Variants in BRINP3 observed in about 807,000 individuals in gnomAD.
BRINP3 encodes the protein BMP/retinoic acid-inducible neural-specific protein 3.
In BRINP3, 19 loss-of-function variants were observed where a neutral mutation model predicts 71.0. The ratio of observed to expected loss-of-function variants is 0.27; its 90% CI spans 0.19 to 0.39. The LOEUF is 0.39. BRINP3 is among the 10% of genes least tolerant of loss of function. BRINP3 has a pLI of 1.00. For synonymous variants in BRINP3, 380 were observed against 337.7 expected (o/e 1.13, Z -1.37); for missense variants, 959 against 940.8 (o/e 1.02, Z -0.25).
intron 7 of BRINP3, among the ~76,000 whole-genome samples, chr1:190,124,131 C>T (rs560084824): frequency 6.5e-4 from 99 of 152,288 alleles, no homozygotes; most frequent in African/African-American, 2.3e-3. Context: ...GATTAGACCA[C>T]AGGGCTCTGC....
At chr1:190,445,515 CATT>C (rs1243548713) in intron 2 of BRINP3, among the ~76,000 whole-genome samples, 6 of 151,808 alleles carry the variant, frequency 4.0e-5, no homozygotes, top group Non-Finnish European at 7.4e-5. Context: ...ACTTTTTTCT[CATT>C]AAATTTGATT....
rs114501910 is a variant in BRINP3, at chr1:190,416,709, T to C, written c.236+37946A>G. 5.3e-5 allele frequency among the ~76,000 whole-genome samples: 8 copies of C among 152,236 alleles called. No individual in the cohort carries two copies. The South Asian group carries it at 8.3e-4, about 16-fold the overall frequency. The stretch of plus-strand genomic sequence containing the variant: ...ACCGTGAAGTGCCTTACACATATTA[T>C]CCCATATTATCTAAATAATACTATC... On this transcript the variant is annotated intron_variant, in intron 2 of 7. Coordinates refer to ENST00000367462, the MANE Select transcript of BRINP3 (RefSeq NM_199051.3).
intron 2 of BRINP3, among the ~76,000 whole-genome samples, chr1:190,386,976 A>G (rs1670951503): frequency 6.6e-6 from 1 of 152,018 alleles, no homozygotes; most frequent in South Asian, 2.1e-4. Context: ...CAACGTTTGC[A>G]CCACCACACC....
chr1:190,172,911 C>T (rs953910581), intron 6 of BRINP3, among the ~76,000 whole-genome samples: 1 of 152,124 alleles, frequency 6.6e-6, no homozygotes, highest in African/African-American at 2.4e-5. Flanking sequence ...TTCACAATGG[C>T]CAGATGCATG....
intron 7 of BRINP3, among the ~76,000 whole-genome samples, chr1:190,127,467 A>G (rs182477405): frequency 6.6e-6 from 1 of 152,014 alleles, no homozygotes; most frequent in East Asian, 1.9e-4. Flanking sequence ...CCAACATATA[A>G]TTAGGTTTCA....
At chr1:190,152,049 T>A (rs1558012103) in intron 7 of BRINP3, among the ~76,000 whole-genome samples, 1 of 152,150 alleles carries the variant, frequency 6.6e-6, no homozygotes, top group Admixed American at 6.6e-5. Flanking sequence ...CATGCATGTG[T>A]TGTAGCTTTC....
At chr1:190,117,133 A>T (rs1167177995) in intron 7 of BRINP3, among the ~76,000 whole-genome samples, 1 of 152,078 alleles carries the variant, frequency 6.6e-6, no homozygotes, top group Non-Finnish European at 1.5e-5. Context: ...CTTGTTAGAG[A>T]GAATGTCTCA....
At chr1:190,454,522 A>T in intron 2 of BRINP3, 133 bp downstream of exon 2, 1 of 656,286 alleles carries the variant, frequency 1.5e-6, no homozygotes, top group East Asian at 2.7e-5. Flanking sequence ...AGAAAACATT[A>T]CTATGGTGCA....
intron 5 of BRINP3, among the ~76,000 whole-genome samples, chr1:190,231,179 CT>C (rs1185492723): frequency 1.3e-5 from 2 of 151,554 alleles, no homozygotes; most frequent in Non-Finnish European, 3.0e-5. Flanking sequence ...CTTAATAGGA[CT>C]TTTTTTGTCT....
chr1:190,309,235 T>C (rs1345865150), intron 2 of BRINP3, among the ~76,000 whole-genome samples: 2 of 151,626 alleles, frequency 1.3e-5, no homozygotes, highest in Non-Finnish European at 2.9e-5. Flanking sequence ...CCTATATGAG[T>C]TGTTTAGAGT....
intron 2 of BRINP3, among the ~76,000 whole-genome samples, chr1:190,446,425 A>G (rs1201028690): frequency 6.6e-6 from 1 of 152,104 alleles, no homozygotes; most frequent in African/African-American, 2.4e-5. Flanking sequence ...AGCTTCTTCA[A>G]TATAACATAC....
chr1:190,212,852 G>C (rs1415791353), intron 6 of BRINP3, among the ~76,000 whole-genome samples: 1 of 152,084 alleles, frequency 6.6e-6, no homozygotes, highest in Non-Finnish European at 1.5e-5. Flanking sequence ...CAGCTAACCT[G>C]TGGTGGGCAC....
chr1:190,144,459 A>C (rs545867334), intron 7 of BRINP3, among the ~76,000 whole-genome samples: 10 of 152,082 alleles, frequency 6.6e-5, no homozygotes, highest in Middle Eastern at 6.8e-3. Context: ...CAGAAATTTC[A>C]ACCCATTGTG....
At chr1:190,181,892 G>C (rs1365329505) in intron 6 of BRINP3, among the ~76,000 whole-genome samples, 3 of 151,746 alleles carry the variant, frequency 2.0e-5, no homozygotes, top group Non-Finnish European at 4.4e-5. Context: ...TTAATTTAGG[G>C]AGGTCTTTAG....
chr1:190,440,246 C>A (rs907451808), intron 2 of BRINP3, among the ~76,000 whole-genome samples: 1 of 151,656 alleles, frequency 6.6e-6, no homozygotes, highest in Non-Finnish European at 1.5e-5. Context: ...AATCGTTTCT[C>A]TTTTTACAAG....
At chr1:190,323,789 T>C (rs930323457) in intron 2 of BRINP3, among the ~76,000 whole-genome samples, 4 of 151,922 alleles carry the variant, frequency 2.6e-5, no homozygotes, top group African/African-American at 7.2e-5. Context: ...ACACCAAAGA[T>C]ATTGTAAGAG....
At chr1:190,182,496 T>C (rs1358948301) in intron 6 of BRINP3, among the ~76,000 whole-genome samples, 1 of 152,162 alleles carries the variant, frequency 6.6e-6, no homozygotes, top group African/African-American at 2.4e-5. Flanking sequence ...CTGTTTTAGT[T>C]ACAATTTTTA....
intron 2 of BRINP3, among the ~76,000 whole-genome samples, chr1:190,312,588 T>C (rs907905602): frequency 1.3e-5 from 2 of 151,714 alleles, no homozygotes; most frequent in Non-Finnish European, 3.0e-5. Context: ...AGATGTGTTA[T>C]CAATATTCGC....
intron 2 of BRINP3, among the ~76,000 whole-genome samples, chr1:190,371,408 C>A (rs897061276): frequency 3.3e-5 from 5 of 152,100 alleles, no homozygotes; most frequent in Non-Finnish European, 7.4e-5. Context: ...TCTAGTTTTA[C>A]CAATATCATT....
Sources: allele counts gnomAD v4.1 joint callset (sites outside exome capture counted in the v4.1 genomes callset), GRCh38; gene constraint gnomAD v4.1.1; transcripts MANE v1.5; gene names NCBI Gene and HGNC (gene_info 2026-07-23, HGNC 2026-07-21).